Variants in PLCE1 observed in about 807,000 individuals in gnomAD.
The protein encoded by PLCE1 is 1-phosphatidylinositol 4,5-bisphosphate phosphodiesterase epsilon-1.
In PLCE1, 119 loss-of-function variants were observed where a neutral mutation model predicts 242.8. That is an observed-to-expected ratio of 0.49 (90% confidence interval 0.42 to 0.57). The LOEUF (loss-of-function observed/expected upper bound fraction) is 0.57, where lower values mean the gene tolerates loss of function less well. PLCE1 is among the 20% of genes least tolerant of loss of function. The pLI, the probability that PLCE1 is intolerant of heterozygous loss-of-function variation, is 0.00. For synonymous variants in PLCE1, 945 were observed against 1,017.4 expected, an observed-to-expected ratio of 0.93 and a Z score of 1.35; for missense variants, 2,441 against 2,788.8, an observed-to-expected ratio of 0.88 and a Z score of 2.81.
chr10:94,177,019 T>G (rs2048147783), intron 4 of PLCE1, among the ~76,000 whole-genome samples: 1 of 152,138 alleles, frequency 6.6e-6, no homozygotes, highest in South Asian at 2.1e-4. Flanking sequence ...GACTCATGGT[T>G]TAGGGAGGCA....
At chr10:94,289,954 C>A (rs541378636) in intron 22 of PLCE1, among the ~76,000 whole-genome samples, 1 of 152,050 alleles carries the variant, frequency 6.6e-6, no homozygotes, top group Admixed American at 6.5e-5. Flanking sequence ...CTTTTTGACT[C>A]TTTTGTAATA....
At chr10:94,316,503 A>T in intron 28 of PLCE1, 44 bp from the exon 29 acceptor site, 1 of 1,249,742 alleles carries the variant, frequency 8.0e-7, no homozygotes, top group Non-Finnish European at 1.2e-6. Context: ...GATTTGTTTT[A>T]AGTTTTTGCC....
chr10:94,129,294 A>C (rs1443877328), intron 2 of PLCE1, among the ~76,000 whole-genome samples: 1 of 152,264 alleles, frequency 6.6e-6, no homozygotes, highest in African/African-American at 2.4e-5. Context: ...TTGGCACAGC[A>C]CTACGTCTAC....
At chr10:94,042,167 T>C (rs1925243) in intron 2 of PLCE1, among the ~76,000 whole-genome samples, 60,853 of 151,894 alleles carry the variant, frequency 0.4, 15,075 homozygotes, top group African/African-American at 0.71. Context: ...TCTACCTCCC[T>C]CAGCAATGCC....
intron 3 of PLCE1, among the ~76,000 whole-genome samples, chr10:94,154,776 C>T (rs942549416): frequency 3.3e-5 from 5 of 151,694 alleles, no homozygotes; most frequent in East Asian, 3.9e-4. Context: ...TGGTGACTCA[C>T]GCCTGTAATC....
At chr10:94,116,488 A>G (rs1457911518) in intron 2 of PLCE1, among the ~76,000 whole-genome samples, 4 of 152,196 alleles carry the variant, frequency 2.6e-5, no homozygotes, top group African/African-American at 7.2e-5. Context: ...TGAGATTAGG[A>G]GTTCAAGACC....
At chr10:94,022,082 A>G (rs1487011472) in intron 1 of PLCE1, among the ~76,000 whole-genome samples, 1 of 152,032 alleles carries the variant, frequency 6.6e-6, no homozygotes, top group Non-Finnish European at 1.5e-5. Context: ...TAAAAGATTT[A>G]CCTTTGGAAA....
chr10:94,323,915 C>T (rs907470195), intron 30 of PLCE1, among the ~76,000 whole-genome samples: 2 of 152,166 alleles, frequency 1.3e-5, no homozygotes, highest in Non-Finnish European at 2.9e-5. Context: ...TTTCAACATC[C>T]AAGACTCTGT....
intron 2 of PLCE1, among the ~76,000 whole-genome samples, chr10:94,041,207 T>C (rs1470146815): frequency 6.6e-6 from 1 of 152,102 alleles, no homozygotes; most frequent in East Asian, 1.9e-4. Context: ...GTGCTCAATA[T>C]GTATTTCTCG....
At chr10:94,000,927 C>T (rs894027689) in intron 1 of PLCE1, among the ~76,000 whole-genome samples, 4 of 152,208 alleles carry the variant, frequency 2.6e-5, no homozygotes, top group South Asian at 2.1e-4. Context: ...GGAGTTGGAA[C>T]GGGGGCAAGG....
At chr10:94,116,705 ATTTT>A (rs543056773) in intron 2 of PLCE1, among the ~76,000 whole-genome samples, 1 of 151,956 alleles carries the variant, frequency 6.6e-6, no homozygotes, top group African/African-American at 2.4e-5. Flanking sequence ...AAAAAAAAAA[ATTTT>A]TTTTAAGAAT....
intron 3 of PLCE1, 123 bp from the exon 4 acceptor site, chr10:94,171,057 A>G (rs2047958386): frequency 1.2e-6 from 1 of 833,602 alleles, no homozygotes; most frequent in Non-Finnish European, 2.0e-6. Context: ...ATAGTACAGA[A>G]CTCTTCACTA....
rs2045299384 is a variant in PLCE1 at position 94,096,122 on chromosome 10, G to A, written c.1207-36052G>A. On this transcript the variant is annotated intron_variant, in intron 2 of 32. Transcript: ENST00000371380. ...CCCAGTTCTCCTTACCCTCACAGCT[G>A]TCCCACTGCCTGTTCCTAGGGCAGT... Among the ~76,000 whole-genome samples, 4 of 152,286 alleles carry A rather than the reference G, an allele frequency of 2.6e-5. No individual in the cohort carries two copies. In the South Asian group the frequency reaches 8.3e-4, roughly 32 times the overall value.
At chr10:94,181,310 C>A (rs994385399) in intron 4 of PLCE1, among the ~76,000 whole-genome samples, 2 of 152,226 alleles carry the variant, frequency 1.3e-5, no homozygotes, top group East Asian at 1.9e-4. Flanking sequence ...CGGTGGCTCA[C>A]GCCTGTAATC....
chr10:94,030,979 T>G lies in PLCE1; in HGVS notation c.-68T>G. The G allele has an allele frequency of 1.3e-6, 2 of 1,514,402 alleles. No individual in the cohort carries two copies. Among genetic ancestry groups the G allele is most frequent in the Non-Finnish European group, 1.8e-6 (2 of 1,090,348 alleles). The allele number at this position is 1,514,402 out of a possible 1,614,324, so 93.8% of individuals were successfully genotyped here. A position where few individuals can be genotyped will look rare whatever the true frequency, so the allele number is the denominator to read the frequency against. ...TTGTTGTAATAATCAGTCATTTTAT[T>G]AAAACCTTGACATGATCACCAGGGA... On this transcript the variant is annotated 5_prime_UTR_variant, in exon 2 of 33. The change creates a new upstream start codon in the 5' untranslated region. Coordinates refer to ENST00000371380, the MANE Select transcript of PLCE1 (RefSeq NM_016341.4).
chr10:94,173,035 T>G (rs2048029449), intron 4 of PLCE1, among the ~76,000 whole-genome samples: 1 of 152,226 alleles, frequency 6.6e-6, no homozygotes, highest in Non-Finnish European at 1.5e-5. Context: ...AACCATTTTA[T>G]ATGTACCACT....
At chr10:94,279,294 T>A (rs1366561262) in intron 19 of PLCE1, 1 of 169,626 alleles carries the variant, frequency 5.9e-6, no homozygotes, top group Non-Finnish European at 1.3e-5. Flanking sequence ...GAAAACAATT[T>A]TATTTAAACC....
intron 2 of PLCE1, among the ~76,000 whole-genome samples, chr10:94,113,103 G>T (rs913302586): frequency 3.9e-5 from 6 of 152,182 alleles, no homozygotes; most frequent in African/African-American, 1.4e-4. Flanking sequence ...TAGGGCTAGT[G>T]AGGATGGGAA....
intron 4 of PLCE1, among the ~76,000 whole-genome samples, chr10:94,172,130 A>G (rs2048002864): frequency 6.6e-6 from 1 of 152,130 alleles, no homozygotes; most frequent in Non-Finnish European, 1.5e-5. Flanking sequence ...GGACAAAGCC[A>G]TTGCGTGGGG....
Sources: gnomAD v4.1 joint callset for allele counts (sites outside exome capture counted in the v4.1 genomes callset) on GRCh38, gnomAD v4.1.1 for gene constraint, MANE v1.5 for transcripts, NCBI Gene and HGNC (gene_info 2026-07-23, HGNC 2026-07-21) for gene names.